The following KLHL1 variants were observed in gnomAD, a reference collection of about 807,000 sequenced individuals.
KLHL1 encodes the protein kelch-like protein 1.
A neutral mutation model predicts 77.7 loss-of-function variants in KLHL1; 47 were observed. The observed-to-expected ratio is 0.60, with a 90% CI of 0.48 to 0.77. KLHL1 has a LOEUF of 0.77. KLHL1 is among the 30% of genes least tolerant of loss of function. KLHL1 has a pLI of 0.00. For missense variants in KLHL1, 925 were observed against 910.8 expected (o/e 1.02, Z -0.20); for synonymous variants, 360 against 325.2 (o/e 1.11, Z -1.15).
chr13:69,935,191 C>T (rs575830785), intron 4 of KLHL1, among the ~76,000 whole-genome samples: 11 of 63,656 alleles, frequency 1.7e-4, no homozygotes, highest in Admixed American at 1.3e-3. Context: ...TACTGGTGAA[C>T]GTGGTACATA....
chr13:69,999,918 T>A (rs562402534), intron 1 of KLHL1, among the ~76,000 whole-genome samples: 1 of 152,186 alleles, frequency 6.6e-6, no homozygotes, highest in African/African-American at 2.4e-5. Context: ...GTTTGTCACC[T>A]CCAAATCTCA....
At chr13:69,786,642 G>A (rs1876565426) in intron 7 of KLHL1, among the ~76,000 whole-genome samples, 3 of 152,154 alleles carry the variant, frequency 2.0e-5, no homozygotes, top group East Asian at 3.9e-4. Context: ...ACATACTGTT[G>A]GAAGTTCTGG....
At chr13:69,817,466 T>C (rs576931264) in intron 6 of KLHL1, among the ~76,000 whole-genome samples, 37 of 152,360 alleles carry the variant, frequency 2.4e-4, no homozygotes, top group African/African-American at 8.7e-4. Context: ...AATTGAAGGC[T>C]TTCTGTGATT....
At chr13:69,900,136 G>A (rs1347063243) in intron 4 of KLHL1, among the ~76,000 whole-genome samples, 1 of 152,122 alleles carries the variant, frequency 6.6e-6, no homozygotes, top group African/African-American at 2.4e-5. Context: ...GAATACTCTG[G>A]ATATGGGTTT....
intron 5 of KLHL1, among the ~76,000 whole-genome samples, chr13:69,874,527 T>G (rs930305476): frequency 6.6e-6 from 1 of 152,164 alleles, no homozygotes; most frequent in Non-Finnish European, 1.5e-5. Context: ...AAATGGCCTT[T>G]GCTTTACTGC....
Position 70,107,503 on chromosome 13 carries a change from C to T in KLHL1, c.197G>A (p.Ser66Asn), listed in dbSNP as rs778325080. ...GGAGGAAGGCTTCTTCCAGAAAGTG[C>T]TCACACCGCTTCTCTCTTGGCTTTT... ...LLKSQERSGV[S>N]TFWKKPSSSS... The change falls in exon 1 of 11, where the codon AGC (serine) becomes AAC (asparagine). Residue 66 changes from serine (S) to asparagine (N), a missense_variant. Ser to Asn is a conservative substitution (Grantham distance 46). Transcript: ENST00000377844. 3 of 1,611,104 alleles carry T rather than the reference C, an allele frequency of 1.9e-6. No homozygotes were observed. Among genetic ancestry groups the T allele is most frequent in the African/African-American group, 2.7e-5 (2 of 72,958 alleles).
At chr13:70,022,984 T>C (rs1293497739) in intron 1 of KLHL1, among the ~76,000 whole-genome samples, 3 of 151,940 alleles carry the variant, frequency 2.0e-5, no homozygotes, top group East Asian at 3.8e-4. Context: ...CGATCATGTC[T>C]TCCATATGCA....
At chr13:69,921,316 T>C (rs2138264288) in intron 4 of KLHL1, among the ~76,000 whole-genome samples, 1 of 152,306 alleles carries the variant, frequency 6.6e-6, no homozygotes, top group Non-Finnish European at 1.5e-5. Flanking sequence ...ATAATCCCTG[T>C]CCTCCATTGT....
chr13:69,742,643 A>G (rs928428596), intron 7 of KLHL1, among the ~76,000 whole-genome samples: 1 of 152,224 alleles, frequency 6.6e-6, no homozygotes, highest in African/African-American at 2.4e-5. Flanking sequence ...TATGCTTCAC[A>G]CATATTACAC....
chr13:69,982,461 T>C (rs1261078314), intron 1 of KLHL1, among the ~76,000 whole-genome samples: 2 of 136,192 alleles, frequency 1.5e-5, no homozygotes, highest in Admixed American at 7.1e-5. Context: ...ATAATAATAA[T>C]AATAATAATA....
At chr13:69,875,020 T>C (rs576177115) in intron 5 of KLHL1, among the ~76,000 whole-genome samples, 1 of 152,230 alleles carries the variant, frequency 6.6e-6, no homozygotes, top group Non-Finnish European at 1.5e-5. Flanking sequence ...TTAAATGATA[T>C]TTTCTCCACC....
intron 6 of KLHL1, among the ~76,000 whole-genome samples, chr13:69,809,593 A>G (rs750141129): frequency 3.3e-5 from 5 of 152,252 alleles, no homozygotes; most frequent in East Asian, 1.9e-4. Context: ...TATACTTGCT[A>G]TCACAAAAGC....
Position 70,001,978 on chromosome 13 carries a change from A to G in KLHL1, c.498-26176T>C, listed in dbSNP as rs1020750338. Reference sequence around the variant, plus strand: ...ACCAGAAAGACCATATCTTAGAAGAACTAGAAAATAAAGTAAGAGCTAATC... The same window carrying G: ...ACCAGAAAGACCATATCTTAGAAGAGCTAGAAAATAAAGTAAGAGCTAATC... On this transcript the variant is annotated intron_variant, in intron 1 of 10. Coordinates refer to ENST00000377844, the MANE Select transcript of KLHL1 (RefSeq NM_020866.3). Among the ~76,000 whole-genome samples the G allele has an allele frequency of 4.0e-5, 6 of 151,596 alleles. No individual in the cohort carries two copies. In the East Asian group the frequency reaches 7.7e-4, roughly 20 times the overall value.
chr13:69,957,249 A>T (rs1390399936), intron 3 of KLHL1, among the ~76,000 whole-genome samples: 1 of 151,758 alleles, frequency 6.6e-6, no homozygotes, highest in Non-Finnish European at 1.5e-5. Context: ...GCCAACAAGT[A>T]GATAGTGATA....
At chr13:69,791,087 A>AAAT (rs1876852436) in intron 7 of KLHL1, among the ~76,000 whole-genome samples, 1 of 152,072 alleles carries the variant, frequency 6.6e-6, no homozygotes. Context: ...AAATAATAAT[A>AAAT]AATACAAAGA....
rs1016296098 is a variant in KLHL1 at position 70,079,864 on chromosome 13, G to A, written c.497+27339C>T. ...ACTGAGCTTTAAGTCCATACCTTGTGTGATTATTTTAACTTATTTTACTCC... is the reference window on the plus strand; with the variant it reads ...ACTGAGCTTTAAGTCCATACCTTGTATGATTATTTTAACTTATTTTACTCC... On this transcript the variant is annotated intron_variant, in intron 1 of 10. Coordinates refer to ENST00000377844, the MANE Select transcript of KLHL1 (RefSeq NM_020866.3). Among the ~76,000 whole-genome samples the A allele has an allele frequency of 2.6e-5, 4 of 152,136 alleles. No homozygotes were observed. The South Asian group carries it at 8.3e-4, about 31-fold the overall frequency.
rs1175990897 is a variant in KLHL1, at chr13:69,803,396, C to T, written c.1415-6434G>A. Among the ~76,000 whole-genome samples, 4 of 152,148 alleles carry T rather than the reference C, an allele frequency of 2.6e-5. 1 individual carries two copies. Among genetic ancestry groups the T allele is most frequent in the East Asian group, 3.9e-4 (2 of 5,190 alleles). On this transcript the variant is annotated intron_variant, in intron 6 of 10. Coordinates refer to ENST00000377844, the MANE Select transcript of KLHL1 (RefSeq NM_020866.3). ...AATATTAACCTGGCTCTAGAGCCCA[C>T]TCTGAGAAACACTTCTTTTTATGAC...
chr13:69,974,253 A>G (rs1884478339), intron 2 of KLHL1, among the ~76,000 whole-genome samples: 1 of 151,152 alleles, frequency 6.6e-6, no homozygotes, highest in African/African-American at 2.4e-5. Flanking sequence ...TATTTAGTTT[A>G]ATATATTCTA....
At chr13:69,799,226 G>A (rs752220784) in intron 6 of KLHL1, among the ~76,000 whole-genome samples, 1 of 152,184 alleles carries the variant, frequency 6.6e-6, no homozygotes, top group Non-Finnish European at 1.5e-5. Flanking sequence ...AGTGGACAAG[G>A]AAGAAAGTAC....
Sources: allele counts gnomAD v4.1 joint callset (sites outside exome capture counted in the v4.1 genomes callset), GRCh38; gene constraint gnomAD v4.1.1; transcripts MANE v1.5; gene names NCBI Gene and HGNC (gene_info 2026-07-23, HGNC 2026-07-21).